The following TM9SF4 variants were observed in gnomAD, a reference collection of about 807,000 sequenced individuals.
TM9SF4 encodes dinucleotide oxidase disulfide thiol exchanger 3 superfamily member 4.
TM9SF4 carries 26 observed loss-of-function variants against 90.4 expected under a neutral mutation model. The observed-to-expected ratio is 0.29, with a 90% CI of 0.21 to 0.40. The LOEUF (loss-of-function observed/expected upper bound fraction) is 0.40, where lower values mean the gene tolerates loss of function less well. Among genes scored for constraint, TM9SF4 ranks in the 10% least tolerant of loss-of-function variants. The pLI, the probability that TM9SF4 is intolerant of heterozygous loss-of-function variation, is 1.00. For synonymous variants in TM9SF4, 293 were observed against 315.4 expected, an observed-to-expected ratio of 0.93 and a Z score of 0.75; for missense variants, 549 against 834.8, an observed-to-expected ratio of 0.66 and a Z score of 4.22.
At position 32,141,895 on chromosome 20, in the gene TM9SF4, G is replaced by C; in HGVS notation, c.528G>C (p.Lys176Asn). 6.2e-7 allele frequency: 1 copy of C among 1,614,042 alleles called. No individual in the cohort carries two copies. Among genetic ancestry groups the C allele is most frequent in the Non-Finnish European group, 8.5e-7 (1 of 1,179,976 alleles). The change falls in exon 5 of 18, where the codon AAG becomes AAC. Residue 176 changes from lysine (K) to asparagine (N), a missense_variant and splice_region_variant. Coordinates refer to ENST00000398022, the MANE Select transcript of TM9SF4 (RefSeq NM_014742.4). ...GYRLGFTDVN[K>N]IYLHNHLSFI... ...GGCTCGGCTTCACAGATGTCAACAA[G>C]GTAGAGTGTCTTTGGCGTGCTCACA...
At chr20:32,156,273 A>C (rs908046014) in intron 13 of TM9SF4, among the ~76,000 whole-genome samples, 1 of 152,260 alleles carries the variant, frequency 6.6e-6, no homozygotes, top group African/African-American at 2.4e-5. Context: ...AAGTAAGTGT[A>C]GAGAAGAGGA....
At chr20:32,146,943 C>T in intron 9 of TM9SF4, 88 bp downstream of exon 9, 1 of 1,200,410 alleles carries the variant, frequency 8.3e-7, no homozygotes. Flanking sequence ...TATTATCATT[C>T]AAAGAGGAAA....
At chr20:32,129,211 C>T (rs543676654) in intron 1 of TM9SF4, among the ~76,000 whole-genome samples, 9 of 152,142 alleles carry the variant, frequency 5.9e-5, no homozygotes, top group Middle Eastern at 3.4e-3. Context: ...AGAAATGTAT[C>T]GGCCAGGTGC....
chr20:32,165,276 T>C lies in TM9SF4; in HGVS notation c.1780-19T>C, dbSNP rs776156253. The C allele has an allele frequency of 5.6e-6, 9 of 1,613,946 alleles. No homozygotes were observed. Among genetic ancestry groups the C allele is most frequent in the Non-Finnish European group, 7.6e-6 (9 of 1,179,898 alleles). On this transcript the variant is annotated intron_variant, in intron 17 of 17. Coordinates refer to ENST00000398022, the MANE Select transcript of TM9SF4 (RefSeq NM_014742.4). ...GGCACTAAGCATGCACCCTGTCTTC[T>C]TTCTGCTCGTGGCCGCAGCTGGACA...
intron 3 of TM9SF4, among the ~76,000 whole-genome samples, chr20:32,136,550 C>G (rs2046597050): frequency 6.6e-6 from 1 of 152,148 alleles, no homozygotes; most frequent in Non-Finnish European, 1.5e-5. Flanking sequence ...ACCTCCTCTG[C>G]TTTAAATGGA....
intron 1 of TM9SF4, among the ~76,000 whole-genome samples, chr20:32,124,117 C>T (rs1000462648): frequency 1.1e-4 from 17 of 152,046 alleles, no homozygotes; most frequent in African/African-American, 3.9e-4. Flanking sequence ...ATTCTCCTGC[C>T]GAAGTGCTGG....
At chr20:32,115,175 T>C (rs1241670311) in intron 1 of TM9SF4, among the ~76,000 whole-genome samples, 1 of 152,182 alleles carries the variant, frequency 6.6e-6, no homozygotes. Flanking sequence ...CTTGGTTAAA[T>C]GTGTTTCTCT....
At chr20:32,141,687 G>C (rs894264211) in intron 4 of TM9SF4, 22 bp downstream of exon 4, 16 of 1,613,300 alleles carry the variant, frequency 9.9e-6, no homozygotes, top group African/African-American at 2.7e-5. Context: ...TGTGCTCCTT[G>C]CTGCCTCAGG....
intron 13 of TM9SF4, 32 bp downstream of exon 13, chr20:32,155,218 C>CCCAGCAAGCGAGGACCAGTTGCA: frequency 6.3e-7 from 1 of 1,579,650 alleles, no homozygotes; most frequent in Non-Finnish European, 8.7e-7. Flanking sequence ...CCAGCCCCTC[C>CCCAGCAAGCGAGGACCAGTTGCA]CCAGCAAGCG....
At chr20:32,134,391 T>C (rs1316404553) in intron 2 of TM9SF4, among the ~76,000 whole-genome samples, 2 of 152,160 alleles carry the variant, frequency 1.3e-5, no homozygotes, top group Non-Finnish European at 2.9e-5. Flanking sequence ...TTTTTGGCCA[T>C]TTTTCCTCAA....
chr20:32,137,803 A>T (rs1313490200), intron 3 of TM9SF4, among the ~76,000 whole-genome samples: 2 of 152,174 alleles, frequency 1.3e-5, no homozygotes, highest in Non-Finnish European at 2.9e-5. Context: ...GCCTTAACTT[A>T]CTTAATTCTC....
At chr20:32,109,964 G>T (rs920625420) in intron 1 of TM9SF4, 48 of 1,411,830 alleles carry the variant, frequency 3.4e-5, no homozygotes, top group Non-Finnish European at 4.3e-5. Context: ...CGAGTTTTGG[G>T]GGAGGCGCCG....
intron 1 of TM9SF4, among the ~76,000 whole-genome samples, chr20:32,123,862 A>ATTTTTTTTTTTTTTTTTTTTTTT (rs1168474976): frequency 3.8e-5 from 2 of 53,130 alleles, no homozygotes; most frequent in African/African-American, 2.1e-4. Flanking sequence ...ATATATATAT[A>ATTTTTTTTTTTTTTTTTTTTTTT]TATATTTTTT....
intron 1 of TM9SF4, among the ~76,000 whole-genome samples, chr20:32,130,921 A>G (rs952829063): frequency 2.0e-5 from 3 of 152,234 alleles, no homozygotes; most frequent in Admixed American, 1.3e-4. Flanking sequence ...TGTTAGCATT[A>G]GGGGAAACTG....
chr20:32,158,708 C>T (rs1192527243), intron 15 of TM9SF4, among the ~76,000 whole-genome samples, 194 bp downstream of exon 15: 20 of 152,104 alleles, frequency 1.3e-4, no homozygotes, highest in African/African-American at 4.1e-4. Flanking sequence ...TGAGGCTGGG[C>T]GCGGTGGCTC....
chr20:32,134,147 TC>T (rs1261220606), intron 2 of TM9SF4, among the ~76,000 whole-genome samples: 2 of 152,014 alleles, frequency 1.3e-5, no homozygotes, highest in African/African-American at 4.8e-5. Context: ...TGCAGTACCT[TC>T]TTCCCACTAC....
chr20:32,162,882 A>G (rs930867107), intron 17 of TM9SF4, among the ~76,000 whole-genome samples: 9 of 152,362 alleles, frequency 5.9e-5, no homozygotes, highest in African/African-American at 1.9e-4. Context: ...AGGGAAAAAA[A>G]GTAGCTTAAG....
intron 1 of TM9SF4, among the ~76,000 whole-genome samples, chr20:32,128,126 G>C (rs1479449243): frequency 6.6e-6 from 1 of 152,184 alleles, no homozygotes; most frequent in African/African-American, 2.4e-5. Flanking sequence ...GCCCAGTGCT[G>C]CACAGCTGAG....
chr20:32,153,503 C>A (rs2046872760), intron 12 of TM9SF4, among the ~76,000 whole-genome samples: 1 of 152,228 alleles, frequency 6.6e-6, no homozygotes, highest in African/African-American at 2.4e-5. Context: ...AATCCCAGTC[C>A]TTTGGGAGGC....
Sources: gnomAD v4.1 joint callset for allele counts (sites outside exome capture counted in the v4.1 genomes callset) on GRCh38, gnomAD v4.1.1 for gene constraint, MANE v1.5 for transcripts, NCBI Gene and HGNC (gene_info 2026-07-23, HGNC 2026-07-21) for gene names.